The following LTA variants were observed in gnomAD, a reference collection of about 807,000 sequenced individuals.
The protein encoded by LTA is lymphotoxin-alpha.
In LTA, 6 loss-of-function variants were observed where a neutral mutation model predicts 15.1. The ratio of observed to expected loss-of-function variants is 0.40; its 90% confidence interval spans 0.22 to 0.78. LTA has a LOEUF of 0.78. Ranked by LOEUF, LTA falls within the 30% of genes least tolerant of loss-of-function variation. The probability of loss-of-function intolerance (pLI) is 0.38; values close to 1 mark genes in which losing one functional copy is unlikely to be tolerated. For synonymous variants in LTA, 87 were observed against 107.3 expected (o/e 0.81, Z 1.17); for missense variants, 173 against 249.5 (o/e 0.69, Z 2.06).
At chr6:31,561,221 G>T in the LTA span, among the ~76,000 whole-genome samples, 1 of 152,222 alleles carries the variant, frequency 6.6e-6, no homozygotes, top group South Asian at 2.1e-4. Context: ...AGATTGGACT[G>T]CATCCTGTGG....
At position 31,573,376 on chromosome 6, in the gene LTA, G is replaced by A. The variant is rs1562476328; in HGVS notation, c.301G>A (p.Val101Ile). 6.2e-7 allele frequency: 1 copy of A among 1,613,854 alleles called. No individual in the cohort carries two copies. The highest frequency in any genetic ancestry group is 1.3e-5 in the African/African-American group (1 of 74,820). Residue 101 changes from valine to isoleucine, a missense_variant, in exon 4 of 4, where the codon GTC (valine) becomes ATC (isoleucine). Coordinates refer to ENST00000418386, the MANE Select transcript of LTA (RefSeq NM_000595.4). ...GFSLSNNSLL[V>I]PTSGIYFVYS... is the part of the protein sequence containing the mutation. ...CTCCTTGAGCAACAATTCTCTCCTG[G>A]TCCCCACCAGTGGCATCTACTTCGT...
chr6:31,564,674 G>A, the LTA span, among the ~76,000 whole-genome samples: 2 of 151,384 alleles, frequency 1.3e-5, no homozygotes, highest in African/African-American at 4.8e-5. Context: ...GGGAGGCTGA[G>A]GCGGGTGGAT....
upstream of LTA, among the ~76,000 whole-genome samples, chr6:31,568,690 C>T (rs1770692943): frequency 6.6e-6 from 1 of 152,186 alleles, no homozygotes; most frequent in Non-Finnish European, 1.5e-5. This position sits in a 1 kb window ranked among gnomAD's most constrained non-coding sequence, Gnocchi z 4.1. Context: ...TCAGCTCTCC[C>T]ACCCAGGGAA....
chr6:31,568,636 T>C (rs1215084563), upstream of LTA, among the ~76,000 whole-genome samples: 1 of 152,184 alleles, frequency 6.6e-6, no homozygotes, highest in Non-Finnish European at 1.5e-5. The surrounding 1 kb of genome is among the most constrained non-coding windows in gnomAD (Gnocchi z 4.1). Flanking sequence ...AAGACCACTA[T>C]AAAGACTGTA....
upstream of LTA, among the ~76,000 whole-genome samples, chr6:31,568,580 T>G (rs565521749): frequency 9.1e-4 from 138 of 152,252 alleles, no homozygotes; most frequent in African/African-American, 2.7e-3. This position sits in a 1 kb window ranked among gnomAD's most constrained non-coding sequence, Gnocchi z 4.1. Flanking sequence ...CTAATGTCAT[T>G]TCAGTCTCAT....
Position 31,572,350 on chromosome 6 carries a change from T to C in LTA, c.-106T>C. 1 of 311,428 alleles carries C rather than the reference T, an allele frequency of 3.2e-6. No homozygotes were observed. The highest frequency in any genetic ancestry group is 6.0e-6 in the Non-Finnish European group (1 of 167,096). The allele number at this position is 311,428 out of a possible 1,614,324, so 19.3% of individuals were successfully genotyped here. ...CCTTGGGCTGCCCGTGCTTCGTGCTTTGGACTACCGCCCAGCAGTGTCCTG... is the reference window on the plus strand; with the variant it reads ...CCTTGGGCTGCCCGTGCTTCGTGCTCTGGACTACCGCCCAGCAGTGTCCTG... On this transcript the variant is annotated 5_prime_UTR_variant, in exon 1 of 4. Transcript: ENST00000418386.
upstream of LTA, among the ~76,000 whole-genome samples, chr6:31,569,871 G>A (rs2150381917): frequency 6.6e-6 from 1 of 152,168 alleles, no homozygotes; most frequent in African/African-American, 2.4e-5. Flanking sequence ...CATTCCAGAA[G>A]AGGTTCTGCC....
At chr6:31,560,917 A>G in the LTA span, among the ~76,000 whole-genome samples, 1 of 152,162 alleles carries the variant, frequency 6.6e-6, no homozygotes, top group African/African-American at 2.4e-5. Context: ...TACCTAGTTA[A>G]CTGATTCAAG....
chr6:31,560,833 A>G, the LTA span, among the ~76,000 whole-genome samples: 1 of 152,134 alleles, frequency 6.6e-6, no homozygotes, highest in Non-Finnish European at 1.5e-5. Flanking sequence ...GTGTAGGTCA[A>G]CTGAGCATTA....
the LTA span, among the ~76,000 whole-genome samples, chr6:31,566,266 GC>G: frequency 4.6e-5 from 7 of 151,786 alleles, no homozygotes; most frequent in African/African-American, 1.7e-4. Flanking sequence ...ATTGCCTGAG[GC>G]CAAGAGTTGA....
At chr6:31,571,095 C>T (rs1265433720), upstream of LTA, among the ~76,000 whole-genome samples, 7 of 146,928 alleles carry the variant, frequency 4.8e-5, no homozygotes, top group African/African-American at 1.8e-4. Flanking sequence ...GAGTCTTGCT[C>T]TGTCCCCCAG....
upstream of LTA, among the ~76,000 whole-genome samples, chr6:31,568,371 C>T (rs147819297): frequency 1.3e-5 from 2 of 152,142 alleles, no homozygotes; most frequent in East Asian, 3.9e-4. The surrounding 1 kb of genome is among the most constrained non-coding windows in gnomAD (Gnocchi z 4.1). Flanking sequence ...TCAAGATTAG[C>T]CCTAGAAACA....
At chr6:31,568,990 CTTGTT>C (rs201891463), upstream of LTA, among the ~76,000 whole-genome samples, 2,338 of 151,574 alleles carry the variant, frequency 0.015, 26 homozygotes, top group Non-Finnish European at 0.019. This position sits in a 1 kb window ranked among gnomAD's most constrained non-coding sequence, Gnocchi z 4.1. Flanking sequence ...TTTTTGTTTG[CTTGTT>C]TTGTTTTGTT....
At position 31,573,781 on chromosome 6, in the gene LTA, A is replaced by G; in HGVS notation, c.*88A>G. On this transcript the variant is annotated 3_prime_UTR_variant, in exon 4 of 4. Transcript: ENST00000418386. ...CATTCTGACCATTTCAGGGGTCGTC[A>G]CCACCTCTCCTTTGGCCATTCCAAC... 1 of 1,474,834 alleles carries G rather than the reference A, an allele frequency of 6.8e-7. No individual in the cohort carries two copies. Among genetic ancestry groups the G allele is most frequent in the Middle Eastern group, 1.7e-4 (1 of 5,816 alleles). 91.4% of individuals were successfully genotyped at this position (1,474,834 alleles called of 1,614,324 possible). A position where few individuals can be genotyped will look rare whatever the true frequency, so the allele number is the denominator to read the frequency against.
At chr6:31,570,720 T>A (rs915654), upstream of LTA, among the ~76,000 whole-genome samples, 60,767 of 151,978 alleles carry the variant, frequency 0.4, 12,658 homozygotes, top group East Asian at 0.57. Flanking sequence ...TAATTTTTTT[T>A]AAAAACATTA....
chr6:31,566,245 A>G, the LTA span, among the ~76,000 whole-genome samples: 2 of 151,126 alleles, frequency 1.3e-5, no homozygotes, highest in Non-Finnish European at 2.9e-5. Context: ...TTGCGAGGCT[A>G]AGGTGCAAGG....
the LTA span, among the ~76,000 whole-genome samples, chr6:31,562,116 G>C: frequency 6.6e-6 from 1 of 151,744 alleles, no homozygotes; most frequent in Admixed American, 6.6e-5. Flanking sequence ...CAGGGCACGG[G>C]GGGCGGGGGA....
chr6:31,563,850 C>G, the LTA span, among the ~76,000 whole-genome samples: 55 of 152,226 alleles, frequency 3.6e-4, no homozygotes, highest in Non-Finnish European at 7.1e-4. Context: ...TCAGGTGATC[C>G]GCCCACCTTG....
the LTA span, among the ~76,000 whole-genome samples, chr6:31,560,924 C>G: frequency 6.6e-6 from 1 of 152,084 alleles, no homozygotes; most frequent in Non-Finnish European, 1.5e-5. Flanking sequence ...TTAACTGATT[C>G]AAGGCATGAT....
Sources: gnomAD v4.1 joint callset for allele counts (sites outside exome capture counted in the v4.1 genomes callset) on GRCh38, gnomAD v4.1.1 for gene constraint, Gnocchi (gnomAD v3.1) non-coding constraint, MANE v1.5 for transcripts, NCBI Gene and HGNC (gene_info 2026-07-23, HGNC 2026-07-21) for gene names.